TBCA: variants seen among roughly 807,000 people sequenced by gnomAD.
TBCA encodes tubulin folding cofactor A.
Under a neutral mutation model 15.8 loss-of-function variants are expected in TBCA, and 6 were observed. That is an observed-to-expected ratio of 0.38 (90% CI 0.21 to 0.75). The LOEUF (loss-of-function observed/expected upper bound fraction) is 0.75. Among genes scored for constraint, TBCA ranks in the 30% least tolerant of loss-of-function variants. TBCA has a pLI of 0.46. For missense variants in TBCA, 90 were observed against 131.2 expected (o/e 0.69, Z 1.53); for synonymous variants, 32 against 42.3 (o/e 0.76, Z 0.94).
rs977517988 is a variant in TBCA at position 77,706,173 on chromosome 5, C to T, written c.159+2069G>A. 3.9e-5 allele frequency among the ~76,000 whole-genome samples: 6 copies of T among 152,158 alleles called. No homozygotes were observed. The East Asian group carries it at 7.7e-4, about 20-fold the overall frequency. On this transcript the variant is annotated intron_variant, in intron 2 of 3. Transcript: ENST00000380377. ...TTAAGTGTGATTACCAATTATGCCA[C>T]GATTTACATGGCAAAAATGACTGTG...
At chr5:77,773,277 G>C (rs573918927) in intron 1 of TBCA, among the ~76,000 whole-genome samples, 42 of 152,144 alleles carry the variant, frequency 2.8e-4, no homozygotes, top group Non-Finnish European at 2.9e-5. Flanking sequence ...GAAAGTTGTA[G>C]ATTTGAAACC....
intron 2 of TBCA, among the ~76,000 whole-genome samples, chr5:77,697,928 G>A (rs576223338): frequency 6.6e-6 from 1 of 151,540 alleles, no homozygotes; most frequent in Admixed American, 6.6e-5. Context: ...CCAGGAATTC[G>A]AGACCAGCCT....
intron 1 of TBCA, among the ~76,000 whole-genome samples, chr5:77,723,319 G>A (rs544135138): frequency 2.0e-4 from 30 of 151,616 alleles, no homozygotes; most frequent in Non-Finnish European, 4.3e-4. Context: ...ATTAGAAAAC[G>A]TTAACTAACC....
intron 1 of TBCA, among the ~76,000 whole-genome samples, chr5:77,769,682 AT>A (rs886814950): frequency 3.3e-5 from 5 of 151,450 alleles, no homozygotes; most frequent in African/African-American, 1.2e-4. Context: ...AAAAAAAAAA[AT>A]CAATACAATT....
At chr5:77,691,814 A>C in intron 3 of TBCA, 1 of 1,029,776 alleles carries the variant, frequency 9.7e-7, no homozygotes, top group Non-Finnish European at 1.2e-6. Flanking sequence ...TTGTTGACCC[A>C]TCATCATCAT....
intron 2 of TBCA, among the ~76,000 whole-genome samples, chr5:77,699,472 A>G (rs968050522): frequency 6.6e-6 from 1 of 152,178 alleles, no homozygotes; most frequent in East Asian, 1.9e-4. Flanking sequence ...TACAAAAGCA[A>G]TTCAATGAAA....
At chr5:77,744,594 G>A (rs1156872118) in intron 1 of TBCA, among the ~76,000 whole-genome samples, 3 of 134,298 alleles carry the variant, frequency 2.2e-5, no homozygotes, top group African/African-American at 8.6e-5. Flanking sequence ...GGAGGACAGT[G>A]GCGCGATCTC....
chr5:77,739,940 A>C lies in TBCA; in HGVS notation c.54-31593T>G, dbSNP rs538289779. Among the ~76,000 whole-genome samples the C allele has an allele frequency of 1.4e-4, 22 of 152,328 alleles. 2 individuals are homozygous for C. In the South Asian group the frequency reaches 4.6e-3, roughly 32 times the overall value. ...ATATTCTGTTTGCTAAAAGACAGCC[A>C]AATTAAATGTGGGGCTAGGGGAGGG... On this transcript the variant is annotated intron_variant, in intron 1 of 3. Coordinates refer to ENST00000380377, the MANE Select transcript of TBCA (RefSeq NM_004607.3).
chr5:77,752,329 T>G (rs1747365675), intron 1 of TBCA, among the ~76,000 whole-genome samples: 1 of 152,200 alleles, frequency 6.6e-6, no homozygotes, highest in African/African-American at 2.4e-5. Context: ...AGTTTTTTCT[T>G]TTTATCCATT....
chr5:77,774,762 C>T (rs2112525303), intron 1 of TBCA, among the ~76,000 whole-genome samples: 1 of 152,188 alleles, frequency 6.6e-6, no homozygotes, highest in South Asian at 2.1e-4. Flanking sequence ...TTAACCTTGG[C>T]AAAATAAACT....
chr5:77,692,312 G>A (rs187443396), intron 3 of TBCA: 1 of 985,240 alleles, frequency 1.0e-6, no homozygotes, highest in African/African-American at 1.7e-5. Context: ...CTATACGTAA[G>A]AATTTCTTAA....
intron 1 of TBCA, among the ~76,000 whole-genome samples, chr5:77,750,191 T>C (rs1428048078): frequency 2.0e-5 from 3 of 151,430 alleles, no homozygotes; most frequent in South Asian, 2.1e-4. Flanking sequence ...CAAATACATA[T>C]ACACACACAC....
chr5:77,748,324 C>T (rs560497067), intron 1 of TBCA, among the ~76,000 whole-genome samples: 1 of 151,428 alleles, frequency 6.6e-6, no homozygotes, highest in Non-Finnish European at 1.5e-5. Flanking sequence ...CCTGAGCAAA[C>T]TAATTACCAC....
At chr5:77,737,278 CA>C in intron 1 of TBCA, among the ~76,000 whole-genome samples, 1 of 151,972 alleles carries the variant, frequency 6.6e-6, no homozygotes, top group Non-Finnish European at 1.5e-5. Flanking sequence ...AAAAACAAAA[CA>C]AAAAAACAGG....
chr5:77,751,403 T>C (rs1430212073), intron 1 of TBCA, among the ~76,000 whole-genome samples: 1 of 151,998 alleles, frequency 6.6e-6, no homozygotes, highest in Non-Finnish European at 1.5e-5. Flanking sequence ...GGTCTCGAAA[T>C]CCTGACCTCA....
intron 1 of TBCA, among the ~76,000 whole-genome samples, chr5:77,775,220 A>T (rs1405454744): frequency 1.3e-5 from 2 of 152,234 alleles, no homozygotes; most frequent in East Asian, 1.9e-4. Context: ...GTAAAATCGC[A>T]GATTCATTTA....
chr5:77,764,008 G>A (rs1452065269), intron 1 of TBCA, among the ~76,000 whole-genome samples: 3 of 152,008 alleles, frequency 2.0e-5, no homozygotes, highest in Non-Finnish European at 2.9e-5. Context: ...GATAAATTGC[G>A]GTATTATCAA....
chr5:77,721,872 T>A (rs1454469936), intron 1 of TBCA, among the ~76,000 whole-genome samples: 1 of 152,098 alleles, frequency 6.6e-6, no homozygotes, highest in East Asian at 1.9e-4. Flanking sequence ...AATGGTCATT[T>A]TACAGCCTGA....
At chr5:77,714,138 T>G (rs754549209) in intron 1 of TBCA, among the ~76,000 whole-genome samples, 1 of 151,852 alleles carries the variant, frequency 6.6e-6, no homozygotes, top group Non-Finnish European at 1.5e-5. Flanking sequence ...CTGCCCAACA[T>G]GGTGAAACCC....
Sources: gnomAD v4.1 joint callset for allele counts (sites outside exome capture counted in the v4.1 genomes callset) on GRCh38, gnomAD v4.1.1 for gene constraint, MANE v1.5 for transcripts, NCBI Gene and HGNC (gene_info 2026-07-23, HGNC 2026-07-21) for gene names.